Variants in AMZ1 observed in about 807,000 individuals in gnomAD.
The protein encoded by AMZ1 is archaelysin family metallopeptidase 1.
In AMZ1, 39 loss-of-function variants were observed where a neutral mutation model predicts 29.9. The observed-to-expected ratio is 1.30, with a 90% confidence interval of 1.01 to 1.70. The LOEUF (loss-of-function observed/expected upper bound fraction) is 1.70. Among genes scored for constraint, AMZ1 ranks in the 40% most tolerant of loss-of-function variants. The probability of loss-of-function intolerance (pLI) is 0.00; values close to 1 mark genes in which losing one functional copy is unlikely to be tolerated. For missense variants in AMZ1, 1,041 were observed against 680.6 expected (o/e 1.53, Z -5.89); for synonymous variants, 458 against 304.0 (o/e 1.51, Z -5.27).
In AMZ1 at chr7:2,719,641, T is replaced by G. The variant is rs1042909966; in HGVS notation, c.*6763T>G. Among the ~76,000 whole-genome samples, 2 of 152,216 alleles carry G rather than the reference T, an allele frequency of 1.3e-5. No individual in the cohort carries two copies. The highest frequency in any genetic ancestry group is 2.9e-5 in the Non-Finnish European group (2 of 68,034). On this transcript the variant is annotated 3_prime_UTR_variant, in exon 7 of 7. Transcript: ENST00000683327. ...TCAGCTTTTCTATAATGCTTACATC[T>G]TACATTTTCATTCTCAAAATTAATA...
intron 4 of AMZ1, among the ~76,000 whole-genome samples, chr7:2,735,468 G>A (rs17132594): frequency 0.11 from 17,339 of 152,148 alleles, 1,096 homozygotes; most frequent in Middle Eastern, 0.19. Context: ...CACGTGCTCC[G>A]CCCAGATAGT....
intron 4 of AMZ1, among the ~76,000 whole-genome samples, chr7:2,753,105 G>A (rs560777353): frequency 9.9e-5 from 15 of 151,716 alleles, no homozygotes; most frequent in African/African-American, 3.6e-4. Context: ...TGTTCCTATA[G>A]TTTTGCCTTT....
intron 3 of AMZ1, among the ~76,000 whole-genome samples, chr7:2,704,831 G>C (rs7808077): frequency 0.74 from 111,800 of 151,816 alleles, 41,220 homozygotes; most frequent in South Asian, 0.87. Flanking sequence ...CTCCTGACCT[G>C]GTGATCTGCC....
At chr7:2,709,288 C>A in intron 5 of AMZ1, 44 bp downstream of exon 5, 2 of 1,465,202 alleles carry the variant, frequency 1.4e-6, no homozygotes, top group East Asian at 4.9e-5. Context: ...CAGGAGGGTG[C>A]TGTCTGAGCC....
intron 4 of AMZ1, among the ~76,000 whole-genome samples, chr7:2,739,897 T>C (rs1790412472): frequency 6.6e-6 from 1 of 152,216 alleles, no homozygotes; most frequent in Non-Finnish European, 1.5e-5. Context: ...GGTCTCGAAC[T>C]CCTGACCTCC....
rs573501133 is a variant in AMZ1, at chr7:2,698,305, A to G, written c.-218-1929A>G. Among the ~76,000 whole-genome samples, 8 of 152,336 alleles carry G rather than the reference A, an allele frequency of 5.3e-5. No homozygotes were observed. In the South Asian group the frequency reaches 1.7e-3, roughly 32 times the overall value. ...GTAATCCCAGCACTTTGGGAGGCAGAGGCAGTCGGATCACTTGAGGTCAGG... is the reference window on the plus strand; with the variant it reads ...GTAATCCCAGCACTTTGGGAGGCAGGGGCAGTCGGATCACTTGAGGTCAGG... On this transcript the variant is annotated intron_variant, in intron 1 of 6. Coordinates refer to ENST00000683327, the MANE Select transcript of AMZ1 (RefSeq NM_001384743.1).
At chr7:2,749,900 C>A (rs890582423) in intron 4 of AMZ1, among the ~76,000 whole-genome samples, 1 of 152,116 alleles carries the variant, frequency 6.6e-6, no homozygotes, top group African/African-American at 2.4e-5. Context: ...GAGGTGCAGG[C>A]ATCTTTGGGG....
chr7:2,729,253 C>T (rs1789762138), intron 4 of AMZ1: 3 of 152,382 alleles, frequency 2.0e-5, no homozygotes, highest in African/African-American at 7.2e-5. Flanking sequence ...AAACAAAGCT[C>T]ACCACGCTCC....
chr7:2,688,704 C>T (rs371460782), intron 1 of AMZ1, among the ~76,000 whole-genome samples: 34 of 152,278 alleles, frequency 2.2e-4, no homozygotes, highest in East Asian at 1.5e-3. Context: ...GGGTGCGGGA[C>T]GTCCCCGGGG....
intron 1 of AMZ1, among the ~76,000 whole-genome samples, chr7:2,693,574 G>T (rs1312805203): frequency 6.6e-6 from 1 of 151,868 alleles, no homozygotes; most frequent in Non-Finnish European, 1.5e-5. Flanking sequence ...TTTGTTTTTT[G>T]ACACGGAGTC....
chr7:2,696,539 G>A (rs930529563), intron 1 of AMZ1, among the ~76,000 whole-genome samples: 1 of 151,286 alleles, frequency 6.6e-6, no homozygotes, highest in African/African-American at 2.4e-5. Flanking sequence ...TTACAGGCGT[G>A]AGCCACCGCA....
intron 3 of AMZ1, among the ~76,000 whole-genome samples, chr7:2,705,838 AAC>A (rs1404367525): frequency 2.6e-5 from 4 of 152,138 alleles, no homozygotes; most frequent in African/African-American, 9.7e-5. Context: ...CTGGCCCTAA[AAC>A]ACAGCCGGGG....
chr7:2,743,498 T>C (rs1193284372), intron 4 of AMZ1, among the ~76,000 whole-genome samples: 1 of 152,122 alleles, frequency 6.6e-6, no homozygotes, highest in Non-Finnish European at 1.5e-5. Context: ...TTAGGCTCAA[T>C]TAGGTTAAAA....
chr7:2,685,154 C>T (rs1219278437), upstream of AMZ1, among the ~76,000 whole-genome samples: 5 of 151,840 alleles, frequency 3.3e-5, no homozygotes, highest in Non-Finnish European at 1.5e-5. Context: ...CAGGTTGAGC[C>T]GCCGCGCCCG....
chr7:2,721,525 G>A (rs182427510), downstream of AMZ1, among the ~76,000 whole-genome samples: 21 of 152,246 alleles, frequency 1.4e-4, no homozygotes, highest in African/African-American at 5.1e-4. Context: ...GACCATCCTC[G>A]CTAACACGGT....
At position 2,700,365 on chromosome 7, in the gene AMZ1, A is replaced by G; in HGVS notation, c.-87A>G. The G allele has an allele frequency of 6.8e-7, 1 of 1,471,594 alleles. No individual in the cohort carries two copies. The highest frequency in any genetic ancestry group is 9.1e-7 in the Non-Finnish European group (1 of 1,099,178). 91.2% of individuals were successfully genotyped at this position (1,471,594 alleles called of 1,614,324 possible). A position where few individuals can be genotyped will look rare whatever the true frequency, so the allele number is the denominator to read the frequency against. ...GCCACTCGGATCAGCCCGAGGGAAG[A>G]TTCTGGACGAGACCGTGGCCGTCCC... On this transcript the variant is annotated 5_prime_UTR_variant, in exon 2 of 7. Transcript: ENST00000683327.
At position 2,731,720 on chromosome 7, in the gene AMZ1, G is replaced by A. The variant is rs1416801076; in HGVS notation, n.550+21904G>A. ...ATTCCCTTGGTGGCTTTCCTAGCCA[G>A]CAGGATATCTTGCTTACTAGGAAAG... is the stretch of plus-strand genomic sequence containing the variant. On this transcript the variant is annotated intron_variant and non_coding_transcript_variant, in intron 4 of 4. Transcript: ENST00000489665. This position sits in a 1 kb window ranked among gnomAD's most constrained non-coding sequence, Gnocchi z 6.0. 6.4e-7 allele frequency: 1 copy of A among 1,565,200 alleles called. No homozygotes were observed. The highest frequency in any genetic ancestry group is 8.7e-7 in the Non-Finnish European group (1 of 1,150,738).
Position 2,707,588 on chromosome 7 carries a change from G to A in AMZ1, c.473-1000G>A, listed in dbSNP as rs1048845642. On this transcript the variant is annotated intron_variant, in intron 3 of 6. Coordinates refer to ENST00000683327, the MANE Select transcript of AMZ1 (RefSeq NM_001384743.1). ...TGCTAACAAGTTACACAACTTGCTA[G>A]CTTGGATGACCCACTGTGATCTCAC... Among the ~76,000 whole-genome samples, 7 of 152,110 alleles carry A rather than the reference G, an allele frequency of 4.6e-5. 1 individual carries two copies. The highest frequency in any genetic ancestry group is 1.9e-4 in the East Asian group (1 of 5,186).
chr7:2,707,289 CAA>C (rs763870340), intron 3 of AMZ1, among the ~76,000 whole-genome samples: 215 of 146,036 alleles, frequency 1.5e-3, no homozygotes, highest in African/African-American at 5.2e-3. Flanking sequence ...AAAAAAAAAA[CAA>C]AAAAACACAC....
Sources: allele counts gnomAD v4.1 joint callset (sites outside exome capture counted in the v4.1 genomes callset), GRCh38; gene constraint gnomAD v4.1.1; non-coding constraint Gnocchi (gnomAD v3.1); transcripts MANE v1.5; gene names NCBI Gene and HGNC (gene_info 2026-07-23, HGNC 2026-07-21).